The following ATP1A1 variants were observed in gnomAD, a reference collection of about 807,000 sequenced individuals.
ATP1A1 encodes sodium/potassium-transporting ATPase subunit alpha-1.
A neutral mutation model predicts 114.8 loss-of-function variants in ATP1A1; 14 were observed. That is an observed-to-expected ratio of 0.12 (90% confidence interval 0.08 to 0.19). The LOEUF is 0.19. Ranked by LOEUF, ATP1A1 falls within the 10% of genes least tolerant of loss-of-function variation. ATP1A1 has a pLI of 1.00. For synonymous variants in ATP1A1, 471 were observed against 466.3 expected (o/e 1.01, Z -0.13); for missense variants, 524 against 1,290.7 (o/e 0.41, Z 9.10).
At chr1:116,396,815 T>A (rs940958276) in intron 14 of ATP1A1, 81 bp downstream of exon 14, 16 of 1,453,318 alleles carry the variant, frequency 1.1e-5, no homozygotes, top group Non-Finnish European at 1.5e-5. Flanking sequence ...GGTTCTATAA[T>A]GGTTTGCATC....
chr1:116,386,562 C>G (rs1553190547), intron 3 of ATP1A1, among the ~76,000 whole-genome samples: 2 of 150,912 alleles, frequency 1.3e-5, no homozygotes, highest in African/African-American at 4.9e-5. Context: ...TTTTTTTTGA[C>G]TTGTTATTTT....
intron 13 of ATP1A1, 133 bp from the exon 14 acceptor site, chr1:116,396,465 T>G (rs1440884753): frequency 6.8e-6 from 8 of 1,179,488 alleles, no homozygotes; most frequent in Non-Finnish European, 9.4e-6. Flanking sequence ...TTTATTAGTT[T>G]TATATTTGCA....
Position 116,385,612 on chromosome 1 carries a change from T to C in ATP1A1, c.183+770T>C, listed in dbSNP as rs1017342801. The C allele has an allele frequency of 1.3e-5, 2 of 152,106 alleles. No homozygotes were observed. The highest frequency in any genetic ancestry group is 2.9e-5 in the Non-Finnish European group (2 of 68,086). 9.4% of individuals were successfully genotyped at this position (152,106 alleles called of 1,614,324 possible). A position where few individuals can be genotyped will look rare whatever the true frequency, so the allele number is the denominator to read the frequency against. ...CCCTTATTACAGTCGTTTGTTATAATGTTGGGTGTGTTAGACCTCAGTGGC... is the reference window on the plus strand; with the variant it reads ...CCCTTATTACAGTCGTTTGTTATAACGTTGGGTGTGTTAGACCTCAGTGGC... On this transcript the variant is annotated intron_variant, in intron 3 of 22. Coordinates refer to ENST00000295598, the MANE Select transcript of ATP1A1 (RefSeq NM_000701.8). This position sits in a 1 kb window ranked among gnomAD's most constrained non-coding sequence, Gnocchi z 4.3.
intron 12 of ATP1A1, among the ~76,000 whole-genome samples, chr1:116,394,078 T>A (rs1652701847): frequency 6.6e-6 from 1 of 152,222 alleles, no homozygotes; most frequent in South Asian, 2.1e-4. Flanking sequence ...CTTATAAGCC[T>A]AATTAAAGTT....
Position 116,395,413 on chromosome 1 carries a change from C to A in ATP1A1, c.1836+128C>A. 2 of 1,011,706 alleles carry A rather than the reference C, an allele frequency of 2.0e-6. No individual in the cohort carries two copies. Among genetic ancestry groups the A allele is most frequent in the Non-Finnish European group, 2.7e-6 (2 of 730,618 alleles). 62.7% of individuals were successfully genotyped at this position (1,011,706 alleles called of 1,614,324 possible). A position where few individuals can be genotyped will look rare whatever the true frequency, so the allele number is the denominator to read the frequency against. On this transcript the variant is annotated intron_variant, in intron 13 of 22. Transcript: ENST00000295598. This position sits in a 1 kb window ranked among gnomAD's most constrained non-coding sequence, Gnocchi z 6.4. ...ACCTGGAGTATTAATTTCTCATCTCCAAAGCTTTACTTCCACCCAGAAAAG... is the reference window on the plus strand; with the variant it reads ...ACCTGGAGTATTAATTTCTCATCTCAAAAGCTTTACTTCCACCCAGAAAAG...
In ATP1A1 at chr1:116,398,719, G is replaced by A; in HGVS notation, c.2223G>A (p.Val741=). The change falls in exon 16 of 23, where the codon GTG becomes GTA. Residue 741 remains valine, a synonymous_variant. Coordinates refer to ENST00000295598, the MANE Select transcript of ATP1A1 (RefSeq NM_000701.8). This position sits in a 1 kb window ranked among gnomAD's most constrained non-coding sequence, Gnocchi z 6.1. ...GVAMGIAGSD[V]SKQAADMILL... The stretch of plus-strand genomic sequence containing the variant: ...CTATGGGGATTGCTGGCTCAGATGT[G>A]TCCAAGCAAGCTGCTGACATGATTC... 1.2e-6 allele frequency: 2 copies of A among 1,614,182 alleles called. No homozygotes were observed. Among genetic ancestry groups the A allele is most frequent in the Non-Finnish European group, 1.7e-6 (2 of 1,180,028 alleles).
Position 116,388,501 on chromosome 1 carries a change from T to C in ATP1A1, c.502-137T>C. 7.9e-7 allele frequency: 1 copy of C among 1,268,716 alleles called. No individual in the cohort carries two copies. Among genetic ancestry groups the C allele is most frequent in the Admixed American group, 2.6e-5 (1 of 38,468 alleles). 78.6% of individuals were successfully genotyped at this position (1,268,716 alleles called of 1,614,324 possible). On this transcript the variant is annotated intron_variant, in intron 5 of 22. Transcript: ENST00000295598. This position sits in a 1 kb window ranked among gnomAD's most constrained non-coding sequence, Gnocchi z 5.6. The stretch of plus-strand genomic sequence containing the variant: ...AACTGGCGAGCAAGCTTTTGTAACT[T>C]GTGTAAATAAAAAAGTGAATAATAT...
intron 8 of ATP1A1, 125 bp from the exon 9 acceptor site, chr1:116,390,088 A>C: frequency 9.7e-7 from 1 of 1,031,184 alleles, no homozygotes; most frequent in Non-Finnish European, 1.4e-6. Context: ...TATTTCTTCA[A>C]ACTTCAGAAG....
At position 116,404,458 on chromosome 1, in the gene ATP1A1, A is replaced by C; in HGVS notation, c.*14A>C. On this transcript the variant is annotated 3_prime_UTR_variant, in exon 23 of 23. Transcript: ENST00000295598. This position sits in a 1 kb window ranked among gnomAD's most constrained non-coding sequence, Gnocchi z 4.8. ...ACCTACTATTAGCCCCCCGTCCTGC[A>C]CGCCGTGGAGCATCAGGCCACACAC... 5.6e-6 allele frequency: 9 copies of C among 1,608,914 alleles called. No homozygotes were observed. The highest frequency in any genetic ancestry group is 7.6e-6 in the Non-Finnish European group (9 of 1,178,534).
intron 10 of ATP1A1, among the ~76,000 whole-genome samples, chr1:116,391,899 T>C (rs1652496360): frequency 1.3e-5 from 2 of 152,188 alleles, no homozygotes; most frequent in Non-Finnish European, 2.9e-5. Context: ...AGTTCGGCCA[T>C]GTTGATGGCA....
chr1:116,404,002 TGGA>T lies in ATP1A1; in HGVS notation c.3043+35_3043+37del, dbSNP rs752427437. 48 of 1,604,952 alleles carry T rather than the reference TGGA, an allele frequency of 3.0e-5. No individual in the cohort carries two copies. In the South Asian group the frequency reaches 5.0e-4, roughly 17 times the overall value. ...TAATTATGGGCATTCTGACTTTGGTTGGAGGAGGAGTGGGAGGGGCTATAGTTC... is the reference window on the plus strand; with the variant it reads ...TAATTATGGGCATTCTGACTTTGGTTGGAGGAGTGGGAGGGGCTATAGTTC... On this transcript the variant is annotated intron_variant, in intron 22 of 22. Coordinates refer to ENST00000295598, the MANE Select transcript of ATP1A1 (RefSeq NM_000701.8). This position sits in a 1 kb window ranked among gnomAD's most constrained non-coding sequence, Gnocchi z 4.8.
intron 8 of ATP1A1, 119 bp from the exon 9 acceptor site, chr1:116,390,094 A>T: frequency 9.5e-7 from 1 of 1,056,164 alleles, no homozygotes; most frequent in Non-Finnish European, 1.4e-6. Context: ...TTCAAACTTC[A>T]GAAGAAGGTT....
chr1:116,396,514 G>C (rs1652946122), intron 13 of ATP1A1, 84 bp from the exon 14 acceptor site: 1 of 1,513,816 alleles, frequency 6.6e-7, no homozygotes, highest in South Asian at 1.2e-5. Flanking sequence ...ATCATCCTTA[G>C]TATTTACTCT....
rs560270394 is a variant in ATP1A1 at position 116,384,508 on chromosome 1, C to A, written c.124-275C>A. 3.9e-5 allele frequency among the ~76,000 whole-genome samples: 6 copies of A among 152,234 alleles called. No individual in the cohort carries two copies. The South Asian group carries it at 1.0e-3, about 26-fold the overall frequency. On this transcript the variant is annotated intron_variant, in intron 2 of 22. Coordinates refer to ENST00000295598, the MANE Select transcript of ATP1A1 (RefSeq NM_000701.8). The surrounding 1 kb of genome is among the most constrained non-coding windows in gnomAD (Gnocchi z 5.1). ...AAGGCAGATAAGGTTTTACTAGATCCCTGAGAGCTGCTGGGTTTCTCTGAA... is the reference window on the plus strand; with the variant it reads ...AAGGCAGATAAGGTTTTACTAGATCACTGAGAGCTGCTGGGTTTCTCTGAA...
chr1:116,392,857 G>A lies in ATP1A1; in HGVS notation c.1336G>A (p.Ala446Thr). ...NQENLPILKR[A>T]VAGDASESAL... is the part of the protein sequence containing the mutation. ...CAGATGATGTCTCTGTTCACAGCGG[G>A]CAGTTGCAGGAGATGCCTCTGAGTC... The change falls in exon 11 of 23, where the codon GCA becomes ACA. Residue 446 changes from alanine to threonine, a missense_variant. Physicochemically the swap from Ala to Thr is moderately conservative, Grantham distance 58. This residue lies in a region of ATP1A1 where 143 missense variants were observed against 259.3 expected (regional missense o/e 0.55). Transcript: ENST00000295598. 2 of 1,608,856 alleles carry A rather than the reference G, an allele frequency of 1.2e-6. No homozygotes were observed. The highest frequency in any genetic ancestry group is 2.2e-5 in the South Asian group (2 of 90,150).
At chr1:116,402,407 G>T (rs1653563625) in intron 21 of ATP1A1, among the ~76,000 whole-genome samples, 1 of 152,160 alleles carries the variant, frequency 6.6e-6, no homozygotes, top group African/African-American at 2.4e-5. Context: ...AGTCTCCTTT[G>T]AATTCCTGCT....
In ATP1A1 at chr1:116,396,785, T is replaced by A. The variant is rs757336969; in HGVS notation, c.1973+51T>A. 3 of 1,498,064 alleles carry A rather than the reference T, an allele frequency of 2.0e-6. No homozygotes were observed. In the East Asian group the frequency reaches 7.3e-5, roughly 36 times the overall value. The allele number at this position is 1,498,064 out of a possible 1,614,324, so 92.8% of individuals were successfully genotyped here. A position where few individuals can be genotyped will look rare whatever the true frequency, so the allele number is the denominator to read the frequency against. ...TCTGCTGTGAACAAGCAAATAGTGA[T>A]GGTTTAAAATCTTCAGCGTGGTTCT... On this transcript the variant is annotated intron_variant, in intron 14 of 22. Coordinates refer to ENST00000295598, the MANE Select transcript of ATP1A1 (RefSeq NM_000701.8).
At position 116,381,683 on chromosome 1, in the gene ATP1A1, G is replaced by C. The variant is rs1651750505; in HGVS notation, c.13-2331G>C. Among the ~76,000 whole-genome samples, 1 of 152,204 alleles carries C rather than the reference G, an allele frequency of 6.6e-6. No individual in the cohort carries two copies. Among genetic ancestry groups the C allele is most frequent in the Non-Finnish European group, 1.5e-5 (1 of 68,040 alleles). ...TGGGCAAGACATTTATTTTGTAAGT[G>C]GGGGTAAAACTTTGGAACGTGTTCA... is the stretch of plus-strand genomic sequence containing the variant. On this transcript the variant is annotated intron_variant, in intron 1 of 22. Transcript: ENST00000295598. The surrounding 1 kb of genome is among the most constrained non-coding windows in gnomAD (Gnocchi z 5.1).
Position 116,401,453 on chromosome 1 carries a change from C to A in ATP1A1, c.2850-101C>A. ...CTGACCTCCAAGTTTTCAAGTACAG[C>A]TAATACATAAAGATGTTGATCTGCC... is the stretch of plus-strand genomic sequence containing the variant. On this transcript the variant is annotated intron_variant, in intron 20 of 22. Coordinates refer to ENST00000295598, the MANE Select transcript of ATP1A1 (RefSeq NM_000701.8). This position sits in a 1 kb window ranked among gnomAD's most constrained non-coding sequence, Gnocchi z 4.7. 1 of 1,423,078 alleles carries A rather than the reference C, an allele frequency of 7.0e-7. No homozygotes were observed. The highest frequency in any genetic ancestry group is 9.8e-7 in the Non-Finnish European group (1 of 1,024,302). 88.2% of individuals were successfully genotyped at this position (1,423,078 alleles called of 1,614,324 possible).
Sources: allele counts gnomAD v4.1 joint callset (sites outside exome capture counted in the v4.1 genomes callset), GRCh38; gene constraint gnomAD v4.1.1; regional missense constraint gnomAD v4.1.1; non-coding constraint Gnocchi (gnomAD v3.1); transcripts MANE v1.5; gene names NCBI Gene and HGNC (gene_info 2026-07-23, HGNC 2026-07-21).